The following CADPS variants were observed in gnomAD, a reference collection of about 807,000 sequenced individuals.
The protein encoded by CADPS is calcium dependent secretion activator, also known as calcium-dependent secretion activator 1.
In CADPS, 57 loss-of-function variants were observed where a neutral mutation model predicts 167.3. The ratio of observed to expected loss-of-function variants is 0.34; its 90% CI spans 0.28 to 0.42. CADPS has a LOEUF of 0.42. CADPS is among the 20% of genes least tolerant of loss of function. The pLI is 1.00. For missense variants in CADPS, 1,414 were observed against 1,738.1 expected (o/e 0.81, Z 3.32); for synonymous variants, 676 against 635.3 (o/e 1.06, Z -0.96).
At chr3:62,415,424 C>T (rs1480805756) in intron 28 of CADPS, among the ~76,000 whole-genome samples, 1 of 152,038 alleles carries the variant, frequency 6.6e-6, no homozygotes, top group East Asian at 1.9e-4. Context: ...TACAGGAAGC[C>T]ACAGCTCGCC....
chr3:62,467,631 C>T (rs1287610623), intron 24 of CADPS, among the ~76,000 whole-genome samples: 1 of 152,072 alleles, frequency 6.6e-6, no homozygotes, highest in Non-Finnish European at 1.5e-5. Flanking sequence ...AACTCAGTTT[C>T]CTTATCTGTA....
chr3:62,856,872 A>C (rs1461126277), intron 1 of CADPS, among the ~76,000 whole-genome samples: 2 of 151,914 alleles, frequency 1.3e-5, no homozygotes, highest in Non-Finnish European at 2.9e-5. Context: ...GGTAAAAAAA[A>C]AAAACACTAT....
intron 3 of CADPS, among the ~76,000 whole-genome samples, chr3:62,696,803 C>A (rs2080377583): frequency 6.6e-6 from 1 of 152,030 alleles, no homozygotes; most frequent in African/African-American, 2.4e-5. Context: ...TTAGGGGACA[C>A]AGGATTGGCT....
rs867516093 is a variant in CADPS at position 62,818,486 on chromosome 3, A to T, written c.442-52502T>A. Among the ~76,000 whole-genome samples the T allele has an allele frequency of 4.6e-5, 7 of 152,342 alleles. No individual in the cohort carries two copies. The Middle Eastern group carries it at 0.02, about 444-fold the overall frequency. On this transcript the variant is annotated intron_variant, in intron 1 of 29. Coordinates refer to ENST00000383710, the MANE Select transcript of CADPS (RefSeq NM_003716.4). ...TCAGGAAAATGCAAATGAAACTACC[A>T]TAAGATACCACTCCACACCTGTTTG... is the stretch of plus-strand genomic sequence containing the variant.
At chr3:62,400,830 C>T (rs968786697) in intron 29 of CADPS, among the ~76,000 whole-genome samples, 4 of 152,070 alleles carry the variant, frequency 2.6e-5, no homozygotes, top group African/African-American at 9.7e-5. Context: ...GATCTCCTGA[C>T]CTTGTGATCC....
rs1211956951 is a variant in CADPS at position 62,455,147 on chromosome 3, C to T, written c.3637-9350G>A. Reference sequence around the variant, plus strand: ...TCCCCCCACCCCCCACCCCCTGGGGCTTCTGAACAGATGCCTGATTGAAGT... The same window carrying T: ...TCCCCCCACCCCCCACCCCCTGGGGTTTCTGAACAGATGCCTGATTGAAGT... On this transcript the variant is annotated intron_variant, in intron 26 of 29. Transcript: ENST00000383710. This position sits in a 1 kb window ranked among gnomAD's most constrained non-coding sequence, Gnocchi z 4.4. 8.2e-6 allele frequency among the ~76,000 whole-genome samples: 1 copy of T among 121,774 alleles called. No individual in the cohort carries two copies. The highest frequency in any genetic ancestry group is 1.1e-4 in the Admixed American group (1 of 9,506). 79.9% of individuals were successfully genotyped at this position (121,774 alleles called of 152,430 possible).
At chr3:62,823,894 C>T (rs1329831514) in intron 1 of CADPS, among the ~76,000 whole-genome samples, 1 of 152,140 alleles carries the variant, frequency 6.6e-6, no homozygotes. Context: ...CCTTAGGGGG[C>T]TGCAGGTTTA....
intron 13 of CADPS, among the ~76,000 whole-genome samples, chr3:62,532,277 A>G (rs2073855105): frequency 4.6e-5 from 7 of 152,152 alleles, no homozygotes; most frequent in Admixed American, 2.0e-4. Context: ...AAATTTTGTC[A>G]TGGAATTTTA....
intron 6 of CADPS, among the ~76,000 whole-genome samples, chr3:62,630,795 C>T (rs2065130831): frequency 6.6e-6 from 1 of 152,098 alleles, no homozygotes; most frequent in Admixed American, 6.6e-5. Context: ...ATAATGCTGA[C>T]TTGGAGTTTT....
intron 1 of CADPS, among the ~76,000 whole-genome samples, chr3:62,808,693 T>C (rs1254921185): frequency 2.6e-5 from 4 of 152,084 alleles, no homozygotes; most frequent in Non-Finnish European, 5.9e-5. Flanking sequence ...CTCAGTGTCC[T>C]TTCTCTTTCG....
chr3:62,613,574 C>T (rs116051143), intron 6 of CADPS, among the ~76,000 whole-genome samples: 2,372 of 152,200 alleles, frequency 0.016, 56 homozygotes, highest in African/African-American at 0.054. Flanking sequence ...CTATAGAACC[C>T]TTTTTCCAAA....
At chr3:62,654,581 C>G (rs2071053931) in intron 4 of CADPS, among the ~76,000 whole-genome samples, 1 of 152,148 alleles carries the variant, frequency 6.6e-6, no homozygotes, top group South Asian at 2.1e-4. Flanking sequence ...TGGAATATGG[C>G]CTCTCTGGAG....
rs1473133040 is a variant in CADPS at position 62,564,102 on chromosome 3, T to C, written c.1645-6589A>G. 2.6e-5 allele frequency among the ~76,000 whole-genome samples: 4 copies of C among 151,798 alleles called. No homozygotes were observed. The South Asian group carries it at 6.2e-4, about 24-fold the overall frequency. Reference sequence around the variant, plus strand: ...CTGCAAACTCCACCTCCCAGGTTCATGCCACTCTCCTGCCTCAGCCTCCCA... The same window carrying C: ...CTGCAAACTCCACCTCCCAGGTTCACGCCACTCTCCTGCCTCAGCCTCCCA... On this transcript the variant is annotated intron_variant, in intron 9 of 29. Transcript: ENST00000383710.
At chr3:62,807,223 C>A (rs1299293111) in intron 1 of CADPS, among the ~76,000 whole-genome samples, 1 of 151,202 alleles carries the variant, frequency 6.6e-6, no homozygotes, top group Non-Finnish European at 1.5e-5. Flanking sequence ...GTTTCTTGGA[C>A]AAATATCAGT....
At chr3:62,704,399 T>C (rs769241361) in intron 3 of CADPS, among the ~76,000 whole-genome samples, 23 of 152,104 alleles carry the variant, frequency 1.5e-4, no homozygotes, top group South Asian at 4.1e-4. Flanking sequence ...TGAGTATAAA[T>C]TTGACTTTGA....
At chr3:62,609,134 C>T (rs966854293) in intron 6 of CADPS, among the ~76,000 whole-genome samples, 7 of 152,140 alleles carry the variant, frequency 4.6e-5, no homozygotes, top group Admixed American at 4.6e-4. Context: ...TTCTTTAACC[C>T]CTGGGGTAGA....
chr3:62,846,570 C>T (rs565101165), intron 1 of CADPS, among the ~76,000 whole-genome samples: 1 of 152,118 alleles, frequency 6.6e-6, no homozygotes, highest in African/African-American at 2.4e-5. Context: ...GATTCTTTCC[C>T]GTGATTAATC....
chr3:62,719,436 A>G (rs1412055295), intron 3 of CADPS, among the ~76,000 whole-genome samples: 1 of 152,208 alleles, frequency 6.6e-6, no homozygotes, highest in Admixed American at 6.5e-5. Flanking sequence ...AGATTCCGTC[A>G]CAGAGCTCTG....
At chr3:62,635,864 A>T (rs1476050749) in intron 6 of CADPS, among the ~76,000 whole-genome samples, 1 of 152,170 alleles carries the variant, frequency 6.6e-6, no homozygotes, top group Non-Finnish European at 1.5e-5. Flanking sequence ...ATCAACCAAC[A>T]TTTATTAATC....
Sources: allele counts gnomAD v4.1 joint callset (sites outside exome capture counted in the v4.1 genomes callset), GRCh38; gene constraint gnomAD v4.1.1; non-coding constraint Gnocchi (gnomAD v3.1); transcripts MANE v1.5; gene names NCBI Gene and HGNC (gene_info 2026-07-23, HGNC 2026-07-21).